RPAP3: variants seen among roughly 807,000 people sequenced by gnomAD.
RPAP3 encodes the protein RNA polymerase II-associated protein 3.
A neutral mutation model predicts 88.8 loss-of-function variants in RPAP3; 58 were observed. The observed-to-expected ratio is 0.65, with a 90% CI of 0.53 to 0.81. The LOEUF (loss-of-function observed/expected upper bound fraction) is 0.81. RPAP3 is among the 40% of genes least tolerant of loss of function. The pLI is 0.00. For missense variants in RPAP3, 751 were observed against 764.3 expected, an observed-to-expected ratio of 0.98 and a Z score of 0.20; for synonymous variants, 255 against 259.9, an observed-to-expected ratio of 0.98 and a Z score of 0.18.
intron 7 of RPAP3, among the ~76,000 whole-genome samples, chr12:47,688,421 C>G: frequency 6.6e-6 from 1 of 151,868 alleles, no homozygotes; most frequent in Non-Finnish European, 1.5e-5. Context: ...ATTCATACCC[C>G]AAACCTCAGT....
chr12:47,701,693 TTTC>T, intron 2 of RPAP3, 89 bp from the exon 3 acceptor site: 2 of 1,067,670 alleles, frequency 1.9e-6, no homozygotes, highest in Non-Finnish European at 2.5e-6. Context: ...CTCACTATAT[TTTC>T]TTCTAAGAAT....
Position 47,663,373 on chromosome 12 carries a change from T to C in RPAP3, c.*132A>G, listed in dbSNP as rs553340693. The stretch of plus-strand genomic sequence containing the variant: ...ACTAGTTAAATCACAATTCACCTTA[T>C]AGTTAATTAACTTATGTTCAAAGAT... On this transcript the variant is annotated 3_prime_UTR_variant, in exon 17 of 17. Coordinates refer to ENST00000005386, the MANE Select transcript of RPAP3 (RefSeq NM_024604.3). 5.0e-6 allele frequency: 3 copies of C among 597,878 alleles called. No individual in the cohort carries two copies. Among genetic ancestry groups the C allele is most frequent in the Admixed American group, 3.4e-5 (1 of 28,996 alleles). 37.0% of individuals were successfully genotyped at this position (597,878 alleles called of 1,614,324 possible).
At chr12:47,683,692 T>C (rs1939271876) in intron 9 of RPAP3, among the ~76,000 whole-genome samples, 1 of 152,158 alleles carries the variant, frequency 6.6e-6, no homozygotes, top group Non-Finnish European at 1.5e-5. Context: ...CAAACATCTT[T>C]TAGGTGGTTG....
At chr12:47,670,628 A>G (rs1256548424) in intron 12 of RPAP3, among the ~76,000 whole-genome samples, 3 of 152,236 alleles carry the variant, frequency 2.0e-5, no homozygotes, top group Admixed American at 6.5e-5. Flanking sequence ...AAGAGAACAC[A>G]GGAAGGAAGA....
intron 9 of RPAP3, among the ~76,000 whole-genome samples, chr12:47,683,420 C>A (rs1395639644): frequency 1.3e-5 from 2 of 152,038 alleles, no homozygotes; most frequent in African/African-American, 4.8e-5. Flanking sequence ...ATAAGTAAAT[C>A]AAAAAATTTC....
At chr12:47,669,879 CCTT>C (rs1218832682) in intron 13 of RPAP3, among the ~76,000 whole-genome samples, 6 of 151,920 alleles carry the variant, frequency 3.9e-5, no homozygotes, top group South Asian at 2.1e-4. Context: ...TTTCAAGATA[CCTT>C]CTTATCTTTA....
intron 9 of RPAP3, among the ~76,000 whole-genome samples, chr12:47,685,949 A>C (rs1939313079): frequency 6.6e-6 from 1 of 152,164 alleles, no homozygotes; most frequent in Admixed American, 6.5e-5. Context: ...ACTATATCAC[A>C]ATTTTTAATA....
chr12:47,696,104 G>T (rs558428569), intron 5 of RPAP3, 172 bp downstream of exon 5: 56 of 482,146 alleles, frequency 1.2e-4, no homozygotes, highest in South Asian at 9.8e-4. Context: ...GTTTAAAATG[G>T]CTTAAACAAA....
chr12:47,695,079 C>A (rs915976371), intron 5 of RPAP3, among the ~76,000 whole-genome samples: 8 of 149,658 alleles, frequency 5.3e-5, no homozygotes, highest in African/African-American at 2.0e-4. Flanking sequence ...AAAGAAAGGA[C>A]AGAAGGTGGG....
intron 5 of RPAP3, among the ~76,000 whole-genome samples, chr12:47,695,617 A>G (rs937520658): frequency 2.6e-5 from 4 of 152,188 alleles, no homozygotes; most frequent in African/African-American, 9.6e-5. Context: ...CAGATATCGA[A>G]TATTATAAAA....
intron 9 of RPAP3, among the ~76,000 whole-genome samples, chr12:47,685,080 T>TA (rs1939295449): frequency 6.6e-6 from 1 of 152,170 alleles, no homozygotes; most frequent in South Asian, 2.1e-4. Context: ...TTGTCACCAA[T>TA]AAAAATCAGA....
chr12:47,682,184 A>G (rs1388072447), intron 9 of RPAP3, among the ~76,000 whole-genome samples: 2 of 152,186 alleles, frequency 1.3e-5, no homozygotes, highest in Non-Finnish European at 2.9e-5. Context: ...GTTTTCTAAT[A>G]AAACTTTATT....
chr12:47,667,806 C>T lies in RPAP3; in HGVS notation c.1759G>A (p.Asp587Asn), dbSNP rs558162340. ...LYPKLFQKNL[D>N]PDVFNQIVKI... ...ACGATCTGGTTGAATACATCTGGAT[C>T]CAGATTTTTCTGAAACAACTTAGGA... The change falls in exon 15 of 17, where the codon GAT (aspartate) becomes AAT (asparagine). Residue 587 changes from aspartate to asparagine, a missense_variant. By Grantham distance (23) the Asp-to-Asn change is conservative. Transcript: ENST00000005386. 1.2e-6 allele frequency: 2 copies of T among 1,606,922 alleles called. No homozygotes were observed. Among genetic ancestry groups the T allele is most frequent in the Admixed American group, 3.4e-5 (2 of 59,666 alleles).
chr12:47,663,626 AT>A, intron 16 of RPAP3, 36 bp from the exon 17 acceptor site: 1 of 1,320,562 alleles, frequency 7.6e-7, no homozygotes. Context: ...TTTTAATCTC[AT>A]TTTTTAAAAA....
At chr12:47,677,486 G>C (rs1939140286) in intron 12 of RPAP3, among the ~76,000 whole-genome samples, 2 of 152,072 alleles carry the variant, frequency 1.3e-5, no homozygotes, top group Admixed American at 1.3e-4. Context: ...TGTATATTTA[G>C]AAAACCCCAT....
chr12:47,690,669 A>G, intron 5 of RPAP3, 30 bp from the exon 6 acceptor site: 1 of 1,393,332 alleles, frequency 7.2e-7, no homozygotes, highest in Non-Finnish European at 9.6e-7. Context: ...AAATAAATAA[A>G]GTTAATAAAA....
At chr12:47,680,883 G>C (rs1480845918) in intron 10 of RPAP3, among the ~76,000 whole-genome samples, 1 of 150,366 alleles carries the variant, frequency 6.7e-6, no homozygotes, top group Non-Finnish European at 1.5e-5. Flanking sequence ...TCTTCAGTTT[G>C]TAGGATGGCA....
At chr12:47,675,546 G>A (rs1939095213) in intron 12 of RPAP3, among the ~76,000 whole-genome samples, 1 of 152,146 alleles carries the variant, frequency 6.6e-6, no homozygotes. Context: ...AGGCATGGAG[G>A]AAGATCTAAC....
At chr12:47,702,923 C>T (rs1939685395) in intron 1 of RPAP3, 77 bp from the exon 2 acceptor site, 1 of 1,208,138 alleles carries the variant, frequency 8.3e-7, no homozygotes, top group Non-Finnish European at 1.1e-6. Flanking sequence ...AGCTAATTAT[C>T]TTTTACCACT....
Sources: gnomAD v4.1 joint callset for allele counts (sites outside exome capture counted in the v4.1 genomes callset) on GRCh38, gnomAD v4.1.1 for gene constraint, MANE v1.5 for transcripts, NCBI Gene and HGNC (gene_info 2026-07-23, HGNC 2026-07-21) for gene names.